The following FKBP5 variants were observed in gnomAD, a reference collection of about 807,000 sequenced individuals.
FKBP5 encodes peptidyl-prolyl cis-trans isomerase FKBP5.
FKBP5 carries 23 observed loss-of-function variants against 50.5 expected under a neutral mutation model. That is an observed-to-expected ratio of 0.46 (90% CI 0.33 to 0.65). FKBP5 has a LOEUF of 0.65. FKBP5 is among the 30% of genes least tolerant of loss of function. The pLI is 0.02. For synonymous variants in FKBP5, 176 were observed against 190.6 expected (o/e 0.92, Z 0.63); for missense variants, 411 against 553.1 (o/e 0.74, Z 2.58).
chr6:35,633,661 T>C (rs1020519165), intron 3 of FKBP5, among the ~76,000 whole-genome samples: 1 of 152,198 alleles, frequency 6.6e-6, no homozygotes, highest in South Asian at 2.1e-4. Context: ...CAGAGGTATA[T>C]TGCTCTATCC....
At position 35,705,262 on chromosome 6, in the gene FKBP5, T is replaced by C. The variant is rs1275863014; in HGVS notation, c.-20+15066A>G. On this transcript the variant is annotated intron_variant, in intron 2 of 11. Transcript: ENST00000536438. ...TATATATATATATATATATATATTTTTTTTTTTTTTTTTTTTTTTTTGGAG... is the reference window on the plus strand; with the variant it reads ...TATATATATATATATATATATATTTCTTTTTTTTTTTTTTTTTTTTTGGAG... Among the ~76,000 whole-genome samples the C allele has an allele frequency of 5.5e-4, 3 of 5,490 alleles. No homozygotes were observed. The South Asian group carries it at 0.022, about 40-fold the overall frequency. The allele number at this position is 5,490 out of a possible 152,430, so 3.6% of individuals were successfully genotyped here.
chr6:35,715,551 A>T (rs1341683746), intron 2 of FKBP5, among the ~76,000 whole-genome samples: 2 of 152,346 alleles, frequency 1.3e-5, no homozygotes, highest in African/African-American at 4.8e-5. Flanking sequence ...GTTCCTTGCT[A>T]GGTCAAGGAG....
chr6:35,579,019 G>A (rs1461683068), intron 9 of FKBP5, among the ~76,000 whole-genome samples: 2 of 152,144 alleles, frequency 1.3e-5, no homozygotes, highest in African/African-American at 4.8e-5. Context: ...AGGAGGCTGA[G>A]GTGGGAGGAT....
At chr6:35,677,167 G>A (rs952197433) in intron 1 of FKBP5, among the ~76,000 whole-genome samples, 39 of 152,224 alleles carry the variant, frequency 2.6e-4, no homozygotes, top group Admixed American at 1.9e-3. Context: ...TCCGCCTCCC[G>A]GGTTCACTCC....
At chr6:35,623,593 A>G (rs1326007324) in intron 3 of FKBP5, among the ~76,000 whole-genome samples, 1 of 151,786 alleles carries the variant, frequency 6.6e-6, no homozygotes, top group Non-Finnish European at 1.5e-5. Context: ...TTTAAGAGAC[A>G]GGGTCTTGCT....
chr6:35,728,454 G>C (rs1259702284), intron 1 of FKBP5: 1 of 152,308 alleles, frequency 6.6e-6, no homozygotes, highest in Non-Finnish European at 1.5e-5. Context: ...CACCCGACAG[G>C]TGTGGCCAGG....
chr6:35,647,268 AC>A (rs1764656134), intron 1 of FKBP5, among the ~76,000 whole-genome samples: 1 of 152,184 alleles, frequency 6.6e-6, no homozygotes, highest in African/African-American at 2.4e-5. Flanking sequence ...TCCAAATGTT[AC>A]CATTATATAC....
chr6:35,683,071 C>A (rs999232615), intron 1 of FKBP5, among the ~76,000 whole-genome samples: 5 of 144,034 alleles, frequency 3.5e-5, no homozygotes, highest in Non-Finnish European at 6.1e-5. Flanking sequence ...AATATATATC[C>A]CAAGCTCTTT....
chr6:35,679,056 C>T (rs1489716432), intron 1 of FKBP5, among the ~76,000 whole-genome samples: 5 of 152,268 alleles, frequency 3.3e-5, no homozygotes, highest in Admixed American at 1.3e-4. Context: ...GCATTTCAAC[C>T]TGAGCAACAA....
At chr6:35,632,698 T>G (rs1764195512) in intron 3 of FKBP5, among the ~76,000 whole-genome samples, 1 of 151,980 alleles carries the variant, frequency 6.6e-6, no homozygotes, top group African/African-American at 2.4e-5. Flanking sequence ...AAAACCAGCC[T>G]GGCCAACATG....
chr6:35,725,874 T>C (rs555711747), intron 1 of FKBP5, among the ~76,000 whole-genome samples: 2 of 152,218 alleles, frequency 1.3e-5, no homozygotes, highest in African/African-American at 2.4e-5. Flanking sequence ...TCCTTCGAGG[T>C]TGGCCCTGCC....
At chr6:35,727,105 A>C (rs1355971071) in intron 1 of FKBP5, among the ~76,000 whole-genome samples, 4 of 152,116 alleles carry the variant, frequency 2.6e-5, no homozygotes, top group Non-Finnish European at 5.9e-5. Context: ...GAGGACAGGC[A>C]CTCCTGGCAT....
rs1762245289 is a variant in FKBP5, at chr6:35,577,081, C to T, written c.1179G>A (p.Met393Ile). 1.9e-6 allele frequency: 3 copies of T among 1,614,182 alleles called. No homozygotes were observed. Among genetic ancestry groups the T allele is most frequent in the Non-Finnish European group, 2.5e-6 (3 of 1,180,030 alleles). ...TGTGCTCCTTGGCCTTTTTCTGGCA[C>T]ATGGAGATCTGCAGTCTTGCAGCCT... ...QNKAARLQIS[M>I]CQKKAKEHNE... Residue 393 changes from methionine to isoleucine, a missense_variant, in exon 10 of 11, where the codon ATG becomes ATA. Physicochemically the swap from Met to Ile is conservative, Grantham distance 10. Coordinates refer to ENST00000357266, the MANE Select transcript of FKBP5 (RefSeq NM_004117.4).
At chr6:35,715,475 A>C (rs555097086) in intron 2 of FKBP5, among the ~76,000 whole-genome samples, 2 of 152,356 alleles carry the variant, frequency 1.3e-5, no homozygotes, top group South Asian at 4.1e-4. Context: ...CATTATTGCC[A>C]GCACTATTAT....
chr6:35,617,343 G>A (rs1425193343), intron 5 of FKBP5, among the ~76,000 whole-genome samples: 5 of 151,590 alleles, frequency 3.3e-5, no homozygotes, highest in African/African-American at 1.2e-4. Context: ...AAGGAGACAA[G>A]GTCTCACTAT....
rs111398353 is a variant in FKBP5, at chr6:35,579,164, A to ACT, written c.1026+870_1026+871dup. Among the ~76,000 whole-genome samples, 656 of 148,098 alleles carry ACT rather than the reference A, an allele frequency of 4.4e-3. 4 individuals carry two copies. Among genetic ancestry groups the ACT allele is most frequent in the African/African-American group, 0.014 (555 of 40,614 alleles). On this transcript the variant is annotated intron_variant, in intron 9 of 10. Transcript: ENST00000357266. ...AACACACACACGCGCGCGCGCACACACTCTCTCTCTCTCTCTCTCCGCTCT... is the reference window on the plus strand; with the variant it reads ...AACACACACACGCGCGCGCGCACACACTCTCTCTCTCTCTCTCTCTCCGCTCT...
At chr6:35,632,109 A>C (rs1011420167) in intron 3 of FKBP5, among the ~76,000 whole-genome samples, 2 of 152,138 alleles carry the variant, frequency 1.3e-5, no homozygotes, top group African/African-American at 4.8e-5. Flanking sequence ...CTTGTTCTTA[A>C]TTCAGCTTCT....
intron 2 of FKBP5, among the ~76,000 whole-genome samples, chr6:35,696,575 T>C (rs1180356152): frequency 2.6e-5 from 4 of 152,040 alleles, no homozygotes; most frequent in Non-Finnish European, 5.9e-5. Context: ...TTAATGTTTA[T>C]GGATTAAGTA....
chr6:35,642,660 A>G (rs891283835), intron 2 of FKBP5, 60 bp downstream of exon 2: 16 of 1,302,254 alleles, frequency 1.2e-5, no homozygotes, highest in Non-Finnish European at 1.8e-5. Context: ...TCAGAAAGAG[A>G]TGCTATAATC....
Sources: gnomAD v4.1 joint callset for allele counts (sites outside exome capture counted in the v4.1 genomes callset) on GRCh38, gnomAD v4.1.1 for gene constraint, MANE v1.5 for transcripts, NCBI Gene and HGNC (gene_info 2026-07-23, HGNC 2026-07-21) for gene names.